Variants in ACSL1 observed in about 807,000 individuals in gnomAD.
The protein encoded by ACSL1 is acyl-CoA synthetase long chain family member 1.
In ACSL1, 41 loss-of-function variants were observed where a neutral mutation model predicts 98.4. That is an observed-to-expected ratio of 0.42 (90% CI 0.32 to 0.54). The LOEUF (loss-of-function observed/expected upper bound fraction) is 0.54. Among genes scored for constraint, ACSL1 ranks in the 20% least tolerant of loss-of-function variants. The pLI is 0.13. For missense variants in ACSL1, 734 were observed against 883.1 expected (o/e 0.83, Z 2.14); for synonymous variants, 316 against 322.7 (o/e 0.98, Z 0.22).
intron 7 of ACSL1, among the ~76,000 whole-genome samples, chr4:184,775,572 TGAGA>T (rs1040087597): frequency 1.3e-5 from 2 of 152,168 alleles, no homozygotes; most frequent in East Asian, 1.9e-4. Flanking sequence ...TCGATGCTAC[TGAGA>T]GAGAGAGTTG....
At chr4:184,775,452 G>C (rs917229184) in intron 7 of ACSL1, among the ~76,000 whole-genome samples, 2 of 152,116 alleles carry the variant, frequency 1.3e-5, no homozygotes, top group African/African-American at 2.4e-5. Context: ...TTACATTATA[G>C]TAAAAGAGGG....
intron 7 of ACSL1, 25 bp downstream of exon 7, chr4:184,776,459 G>A (rs1218914622): frequency 1.2e-6 from 2 of 1,601,202 alleles, no homozygotes; most frequent in Admixed American, 1.7e-5. Flanking sequence ...AGCCTTCAGA[G>A]AAGGGAAGGA....
At chr4:184,765,816 A>C in intron 14 of ACSL1, 75 bp downstream of exon 14, 1 of 1,273,366 alleles carries the variant, frequency 7.9e-7, no homozygotes, top group Non-Finnish European at 1.1e-6. Flanking sequence ...CACACACAGT[A>C]CAGATGACTT....
At chr4:184,775,667 A>G (rs1765181534) in intron 7 of ACSL1, among the ~76,000 whole-genome samples, 1 of 152,182 alleles carries the variant, frequency 6.6e-6, no homozygotes. Flanking sequence ...TTCCTCAGGA[A>G]AGGTTCTACA....
At chr4:184,767,850 C>T (rs1763862551) in intron 12 of ACSL1, among the ~76,000 whole-genome samples, 1 of 152,204 alleles carries the variant, frequency 6.6e-6, no homozygotes, top group Non-Finnish European at 1.5e-5. Context: ...TTGGGCTCTG[C>T]TGTGGCTTAG....
chr4:184,803,398 G>A lies in ACSL1; in HGVS notation c.117C>T (p.Leu39=), dbSNP rs141328301. 9 of 1,613,862 alleles carry A rather than the reference G, an allele frequency of 5.6e-6. No homozygotes were observed. Among genetic ancestry groups the A allele is most frequent in the African/African-American group, 2.7e-5 (2 of 74,910 alleles). The change falls in exon 2 of 21, where the codon CTC becomes CTT. Residue 39 remains leucine (L), a synonymous_variant. Coordinates refer to ENST00000281455, the MANE Select transcript of ACSL1 (RefSeq NM_001995.5). This position sits in a 1 kb window ranked among gnomAD's most constrained non-coding sequence, Gnocchi z 4.8. The part of the protein sequence containing the change: ...TLMGFGAFAA[L]TTFWYATRPK... ...GTCTCGTGGCGTACCAGAAGGTGGT[G>A]AGTGCTGCAAAAGCTCCGAAGCCCA... is the stretch of plus-strand genomic sequence containing the variant.
At chr4:184,786,725 G>A (rs28522296) in intron 3 of ACSL1, among the ~76,000 whole-genome samples, 7,683 of 132,022 alleles carry the variant, frequency 0.058, 691 homozygotes, top group African/African-American at 0.2. Flanking sequence ...ACGGAGTCTC[G>A]CTGTGTCACC....
At chr4:184,774,998 A>C (rs1765068957) in intron 7 of ACSL1, among the ~76,000 whole-genome samples, 1 of 152,224 alleles carries the variant, frequency 6.6e-6, no homozygotes, top group South Asian at 2.1e-4. Context: ...CCAATTCTTC[A>C]AAAACTGATG....
chr4:184,806,754 C>T (rs1055317816), intron 1 of ACSL1, among the ~76,000 whole-genome samples: 1 of 152,010 alleles, frequency 6.6e-6, no homozygotes. Context: ...AGATACTAAT[C>T]TATAATACTA....
intron 17 of ACSL1, 42 bp downstream of exon 17, chr4:184,762,365 G>A: frequency 6.6e-7 from 1 of 1,513,818 alleles, no homozygotes; most frequent in Non-Finnish European, 9.2e-7. Flanking sequence ...CTTCCCCACA[G>A]TGGAACTGAA....
chr4:184,764,229 GTTAC>G (rs1340141854), intron 15 of ACSL1, among the ~76,000 whole-genome samples: 2 of 152,166 alleles, frequency 1.3e-5, no homozygotes, highest in Admixed American at 1.3e-4. Flanking sequence ...TCATTTATGT[GTTAC>G]TTAAGCAACA....
rs1561170507 is a variant in ACSL1 at position 184,760,364 on chromosome 4, C to CAGA, written c.1774_1775insTCT (p.Ser592delinsIleCys). ...GACCCAGAAAGCACATACCTGCAGG[C>CAGA]TTTCTCCGTGGACAAACACCTGAGC... On this transcript the variant is annotated protein_altering_variant, in exon 18 of 21. Coordinates refer to ENST00000281455, the MANE Select transcript of ACSL1 (RefSeq NM_001995.5). 1 of 1,614,108 alleles carries CAGA rather than the reference C, an allele frequency of 6.2e-7. No homozygotes were observed. Among genetic ancestry groups the CAGA allele is most frequent in the South Asian group, 1.1e-5 (1 of 91,076 alleles).
At chr4:184,769,561 T>C (rs1199823761) in intron 11 of ACSL1, among the ~76,000 whole-genome samples, 1 of 152,166 alleles carries the variant, frequency 6.6e-6, no homozygotes, top group African/African-American at 2.4e-5. Flanking sequence ...TGAGATTGCT[T>C]TATAAACCCA....
chr4:184,757,679 T>C lies in ACSL1; in HGVS notation c.1912A>G (p.Met638Val), dbSNP rs2150250659. The C allele has an allele frequency of 3.7e-6, 6 of 1,614,132 alleles. No homozygotes were observed. Among genetic ancestry groups the C allele is most frequent in the Non-Finnish European group, 5.1e-6 (6 of 1,180,012 alleles). ...CCAGAATCCTTCCCAAGTCTCACCA[T>C]ATCTTCGAGGATAGCTTTTTTGACA... ...KDVKKAILEDMVRLGKDSGLK... is the reference protein window; with the variant it reads ...KDVKKAILEDVVRLGKDSGLK... Residue 638 changes from methionine (M) to valine (V), a missense_variant, in exon 20 of 21, where the codon ATG (methionine) becomes GTG (valine). By Grantham distance (21) the Met-to-Val change is conservative. Coordinates refer to ENST00000281455, the MANE Select transcript of ACSL1 (RefSeq NM_001995.5). The surrounding 1 kb of genome is among the most constrained non-coding windows in gnomAD (Gnocchi z 4.5).
intron 12 of ACSL1, among the ~76,000 whole-genome samples, chr4:184,767,878 G>A (rs965513630): frequency 6.6e-6 from 1 of 152,288 alleles, no homozygotes; most frequent in South Asian, 2.1e-4. Flanking sequence ...TTTCAGTGTG[G>A]CCAATTAAGT....
intron 14 of ACSL1, among the ~76,000 whole-genome samples, 200 bp from the exon 15 acceptor site, chr4:184,765,125 A>G (rs1429620557): frequency 6.6e-6 from 1 of 152,152 alleles, no homozygotes; most frequent in East Asian, 1.9e-4. Context: ...TACACCTTCT[A>G]TTTAACTTCC....
At position 184,768,445 on chromosome 4, in the gene ACSL1, T is replaced by C. The variant is rs1763962916; in HGVS notation, c.999A>G (p.Val333=). ...AHMFERVVEC[V]MLCHGAKIGF... ...CGATTTTAGCTCCATGACACAGCAT[T>C]ACACACTATAGGGGTAATGGAAAAA... Residue 333 remains valine (V), a synonymous_variant, in exon 12 of 21, where the codon GTA becomes GTG. Coordinates refer to ENST00000281455, the MANE Select transcript of ACSL1 (RefSeq NM_001995.5). 1 of 1,613,222 alleles carries C rather than the reference T, an allele frequency of 6.2e-7. No homozygotes were observed. The highest frequency in any genetic ancestry group is 8.5e-7 in the Non-Finnish European group (1 of 1,179,762).
upstream of ACSL1, among the ~76,000 whole-genome samples, chr4:184,826,313 AGGCCCCGCGGACCCTG>A (rs1368746491): frequency 6.6e-6 from 1 of 152,192 alleles, no homozygotes; most frequent in South Asian, 2.1e-4. Context: ...CTCAGCTCAG[AGGCCCCGCGGACCCTG>A]GGCCCCGCGA....
At chr4:184,814,815 C>T (rs974002514) in intron 1 of ACSL1, among the ~76,000 whole-genome samples, 1 of 152,136 alleles carries the variant, frequency 6.6e-6, no homozygotes, top group Non-Finnish European at 1.5e-5. Context: ...TATGCTTTGC[C>T]CCGTCTGCCC....
Sources: gnomAD v4.1 joint callset for allele counts (sites outside exome capture counted in the v4.1 genomes callset) on GRCh38, gnomAD v4.1.1 for gene constraint, Gnocchi (gnomAD v3.1) non-coding constraint, MANE v1.5 for transcripts, NCBI Gene and HGNC (gene_info 2026-07-23, HGNC 2026-07-21) for gene names.